DPP10: variants seen among roughly 807,000 people sequenced by gnomAD.
DPP10 encodes the protein inactive dipeptidyl peptidase 10.
DPP10 carries 33 observed loss-of-function variants against 120.9 expected under a neutral mutation model. The ratio of observed to expected loss-of-function variants is 0.27; its 90% CI spans 0.21 to 0.37. The LOEUF is 0.37. Among genes scored for constraint, DPP10 ranks in the 10% least tolerant of loss-of-function variants. The pLI, the probability that DPP10 is intolerant of heterozygous loss-of-function variation, is 1.00. For missense variants in DPP10, 816 were observed against 942.8 expected (o/e 0.87, Z 1.76); for synonymous variants, 337 against 326.1 (o/e 1.03, Z -0.36).
chr2:114,969,472 T>TCA (rs1334515604), intron 1 of DPP10, among the ~76,000 whole-genome samples: 1 of 152,206 alleles, frequency 6.6e-6, no homozygotes, highest in Non-Finnish European at 1.5e-5. Flanking sequence ...TGGTGTGTAT[T>TCA]CACACACACT....
intron 9 of DPP10, among the ~76,000 whole-genome samples, chr2:115,745,331 C>A (rs1677814913): frequency 6.6e-6 from 1 of 150,508 alleles, no homozygotes; most frequent in African/African-American, 2.4e-5. Flanking sequence ...TGTGCAATGC[C>A]TTTAGTGCCT....
intron 1 of DPP10, among the ~76,000 whole-genome samples, chr2:114,619,366 T>C (rs1558937964): frequency 6.7e-6 from 1 of 149,808 alleles, no homozygotes; most frequent in African/African-American, 2.5e-5. Context: ...TATATGTGTG[T>C]GTATATATAT....
At chr2:114,494,728 T>C (rs1165196568) in intron 1 of DPP10, among the ~76,000 whole-genome samples, 2 of 152,146 alleles carry the variant, frequency 1.3e-5, no homozygotes, top group African/African-American at 2.4e-5. Context: ...CACATTCTGA[T>C]TGAGTATACA....
At chr2:115,125,117 G>T (rs2104756034) in intron 1 of DPP10, among the ~76,000 whole-genome samples, 1 of 152,286 alleles carries the variant, frequency 6.6e-6, no homozygotes, top group Admixed American at 6.5e-5. Flanking sequence ...GTGGTGATTA[G>T]TTGTCCAATT....
intron 1 of DPP10, among the ~76,000 whole-genome samples, chr2:114,519,386 G>A (rs1684864794): frequency 6.6e-6 from 1 of 152,152 alleles, no homozygotes; most frequent in African/African-American, 2.4e-5. Context: ...TGGTTATTTG[G>A]GAGCAAACTG....
intron 4 of DPP10, among the ~76,000 whole-genome samples, chr2:115,515,029 T>G (rs2077428905): frequency 6.6e-6 from 1 of 151,896 alleles, no homozygotes; most frequent in African/African-American, 2.4e-5. Context: ...GTACATATGG[T>G]CTATACTTTT....
At chr2:114,530,139 A>G (rs750887382) in intron 1 of DPP10, among the ~76,000 whole-genome samples, 10 of 152,146 alleles carry the variant, frequency 6.6e-5, no homozygotes, top group Non-Finnish European at 1.2e-4. Context: ...ATATGTTCTC[A>G]TAACACCTTA....
chr2:115,399,105 A>G (rs988071408), intron 3 of DPP10, among the ~76,000 whole-genome samples: 10 of 152,164 alleles, frequency 6.6e-5, no homozygotes, highest in African/African-American at 2.4e-4. Context: ...TGCTGTTGGT[A>G]CCACCTCTTG....
intron 1 of DPP10, among the ~76,000 whole-genome samples, chr2:114,551,785 T>C (rs1254911638): frequency 6.6e-6 from 1 of 152,242 alleles, no homozygotes; most frequent in African/African-American, 2.4e-5. Flanking sequence ...AATACCTCCC[T>C]TCTTCCCAGT....
At chr2:115,512,410 T>C (rs140880987) in intron 4 of DPP10, among the ~76,000 whole-genome samples, 44 of 152,156 alleles carry the variant, frequency 2.9e-4, no homozygotes, top group African/African-American at 1.0e-3. Context: ...AGATTACAGA[T>C]ATGAGCCACT....
chr2:115,718,021 C>G (rs1283528358), intron 7 of DPP10, among the ~76,000 whole-genome samples: 1 of 152,054 alleles, frequency 6.6e-6, no homozygotes, highest in Non-Finnish European at 1.5e-5. Flanking sequence ...AAAATGTATA[C>G]TAGGTAGCCG....
chr2:115,177,762 T>TTTTGTTCG (rs2053796767), intron 1 of DPP10, among the ~76,000 whole-genome samples: 1 of 150,726 alleles, frequency 6.6e-6, no homozygotes, highest in Non-Finnish European at 1.5e-5. Flanking sequence ...TTGTTTTTGT[T>TTTTGTTCG]TTTGTTTGTT....
chr2:114,866,834 G>A (rs1690277389), intron 1 of DPP10, among the ~76,000 whole-genome samples: 1 of 152,142 alleles, frequency 6.6e-6, no homozygotes, highest in South Asian at 2.1e-4. Flanking sequence ...TTGGTTGTTC[G>A]GTGAAGCCTG....
chr2:114,748,011 T>G (rs899799671), intron 1 of DPP10, among the ~76,000 whole-genome samples: 2 of 152,310 alleles, frequency 1.3e-5, no homozygotes, highest in African/African-American at 4.8e-5. Flanking sequence ...AAAATATTTA[T>G]AGCAATTTTT....
At chr2:114,747,445 A>G (rs1574092867) in intron 1 of DPP10, among the ~76,000 whole-genome samples, 1 of 152,222 alleles carries the variant, frequency 6.6e-6, no homozygotes, top group Admixed American at 6.5e-5. Flanking sequence ...TACATTTTCC[A>G]TCACTTAGCT....
chr2:115,102,214 G>C (rs1286131983), intron 1 of DPP10, among the ~76,000 whole-genome samples: 1 of 152,150 alleles, frequency 6.6e-6, no homozygotes, highest in African/African-American at 2.4e-5. Flanking sequence ...GAGAGTGATA[G>C]AGAGCTCTGG....
intron 13 of DPP10, among the ~76,000 whole-genome samples, chr2:115,770,944 T>C (rs888421844): frequency 6.6e-6 from 1 of 152,124 alleles, no homozygotes; most frequent in Non-Finnish European, 1.5e-5. Flanking sequence ...GAATAACTAA[T>C]GAGTGTTTTC....
At chr2:114,494,031 T>C (rs1682241208) in intron 1 of DPP10, among the ~76,000 whole-genome samples, 1 of 150,186 alleles carries the variant, frequency 6.7e-6, no homozygotes, top group African/African-American at 2.4e-5. Flanking sequence ...AGTGCTTAAT[T>C]TTCTATTTTA....
chr2:115,302,003 ACTCCCAGTTC>A (rs2061159479), intron 1 of DPP10, among the ~76,000 whole-genome samples: 1 of 151,870 alleles, frequency 6.6e-6, no homozygotes, highest in Admixed American at 6.6e-5. Context: ...AGTTTAATTG[ACTCCCAGTTC>A]CACAGGCTTA....
Sources: gnomAD v4.1 joint callset for allele counts (sites outside exome capture counted in the v4.1 genomes callset) on GRCh38, gnomAD v4.1.1 for gene constraint, MANE v1.5 for transcripts, NCBI Gene and HGNC (gene_info 2026-07-23, HGNC 2026-07-21) for gene names.